MYO1B: variants seen among roughly 807,000 people sequenced by gnomAD.
MYO1B encodes the protein unconventional myosin-Ib.
In MYO1B, 72 loss-of-function variants were observed where a neutral mutation model predicts 159.7. The ratio of observed to expected loss-of-function variants is 0.45; its 90% CI spans 0.37 to 0.55. The LOEUF (loss-of-function observed/expected upper bound fraction) is 0.55, where lower values mean the gene tolerates loss of function less well. MYO1B is among the 20% of genes least tolerant of loss of function. MYO1B has a pLI of 0.00. For synonymous variants in MYO1B, 468 were observed against 473.8 expected, an observed-to-expected ratio of 0.99 and a Z score of 0.16; for missense variants, 1,062 against 1,364.8, an observed-to-expected ratio of 0.78 and a Z score of 3.50.
At chr2:191,383,515 T>TACACAC (rs71030338) in intron 15 of MYO1B, among the ~76,000 whole-genome samples, 173 bp downstream of exon 15, 23 of 122,722 alleles carry the variant, frequency 1.9e-4, no homozygotes, top group African/African-American at 7.8e-4. Flanking sequence ...TATATACACG[T>TACACAC]ACACACACAC....
At chr2:191,393,272 A>G in intron 20 of MYO1B, 50 bp downstream of exon 20, 1 of 1,594,982 alleles carries the variant, frequency 6.3e-7, no homozygotes, top group Non-Finnish European at 8.6e-7. Context: ...TAATTTGCCA[A>G]CATTTATTAT....
chr2:191,277,876 A>G (rs1687841078), intron 2 of MYO1B, among the ~76,000 whole-genome samples: 1 of 152,210 alleles, frequency 6.6e-6, no homozygotes, highest in African/African-American at 2.4e-5. Flanking sequence ...GCATCTGTGC[A>G]TGGAGAAGAA....
intron 27 of MYO1B, 61 bp from the exon 28 acceptor site, chr2:191,413,986 CT>C: frequency 5.2e-6 from 8 of 1,525,698 alleles, no homozygotes; most frequent in South Asian, 1.4e-5. Context: ...GACCTGTTTC[CT>C]TTTTTTAGTG....
At chr2:191,412,110 C>A (rs1697284078) in intron 27 of MYO1B, among the ~76,000 whole-genome samples, 1 of 152,166 alleles carries the variant, frequency 6.6e-6, no homozygotes, top group Non-Finnish European at 1.5e-5. Context: ...TGTACAACTT[C>A]ATTGGTTAGC....
chr2:191,397,485 G>C (rs550756064), intron 21 of MYO1B, among the ~76,000 whole-genome samples: 1 of 152,046 alleles, frequency 6.6e-6, no homozygotes, highest in East Asian at 1.9e-4. Context: ...CACAGCACAC[G>C]TTTCAGAGAG....
At chr2:191,420,987 A>G (rs1697899535) in intron 30 of MYO1B, among the ~76,000 whole-genome samples, 1 of 152,146 alleles carries the variant, frequency 6.6e-6, no homozygotes, top group South Asian at 2.1e-4. Context: ...AGCCTGATCT[A>G]ATAACATAGT....
intron 2 of MYO1B, among the ~76,000 whole-genome samples, chr2:191,281,852 A>G (rs1343673813): frequency 6.6e-6 from 1 of 152,164 alleles, no homozygotes; most frequent in East Asian, 1.9e-4. Flanking sequence ...GATCATCTAG[A>G]TATAGGGGCC....
chr2:191,402,678 A>G lies in MYO1B; in HGVS notation c.2516A>G (p.His839Arg). The change falls in exon 24 of 31, where the codon CAT becomes CGT. Residue 839 changes from histidine to arginine, a missense_variant. Physicochemically the swap from His to Arg is conservative, Grantham distance 29. Coordinates refer to ENST00000392318, the MANE Select transcript of MYO1B (RefSeq NM_001130158.3). ...TTGAAGGAGGAGGCTAGGCGTAAGC[A>G]TGCAGTTGCTGTCATTTGGGCTTAC... ...KRLKEEARRKHAVAVIWAYWL... is the reference protein window; with the variant it reads ...KRLKEEARRKRAVAVIWAYWL... 5.0e-6 allele frequency: 8 copies of G among 1,613,740 alleles called. No individual in the cohort carries two copies. The highest frequency in any genetic ancestry group is 6.8e-6 in the Non-Finnish European group (8 of 1,179,762).
At chr2:191,290,771 T>G (rs190279959) in intron 2 of MYO1B, among the ~76,000 whole-genome samples, 28 of 152,358 alleles carry the variant, frequency 1.8e-4, no homozygotes, top group Admixed American at 1.4e-3. Flanking sequence ...CTATTGAGAC[T>G]ATGCCAAGTT....
chr2:191,279,738 A>G (rs10199312), intron 2 of MYO1B, among the ~76,000 whole-genome samples: 3,425 of 152,026 alleles, frequency 0.023, 118 homozygotes, highest in African/African-American at 0.077. Context: ...CTGTTTTTCA[A>G]TTCTTTCCAA....
intron 3 of MYO1B, among the ~76,000 whole-genome samples, chr2:191,314,332 T>C (rs572385696): frequency 3.9e-5 from 6 of 152,356 alleles, no homozygotes; most frequent in African/African-American, 1.4e-4. Flanking sequence ...ACTTTTCTAA[T>C]AGTGTTATAG....
chr2:191,343,709 G>A (rs1270016437), intron 5 of MYO1B, among the ~76,000 whole-genome samples: 4 of 152,216 alleles, frequency 2.6e-5, no homozygotes, highest in East Asian at 3.8e-4. Flanking sequence ...GAGGAATGCT[G>A]TAGCCTGCAT....
chr2:191,280,100 G>A (rs1687969444), intron 2 of MYO1B, among the ~76,000 whole-genome samples: 2 of 152,058 alleles, frequency 1.3e-5, no homozygotes, highest in East Asian at 3.9e-4. Flanking sequence ...CTCTCGTGAG[G>A]GATTGCTTTG....
Position 191,424,062 on chromosome 2 carries a change from C to G in MYO1B, c.*102C>G. ...TTGTATGTTTGGGAATCACCAAAGG[C>G]TTTTAGAGTTCTTTGGCAAAATAAA... On this transcript the variant is annotated 3_prime_UTR_variant, in exon 31 of 31. Coordinates refer to ENST00000392318, the MANE Select transcript of MYO1B (RefSeq NM_001130158.3). 1 of 1,318,626 alleles carries G rather than the reference C, an allele frequency of 7.6e-7. No homozygotes were observed. The highest frequency in any genetic ancestry group is 2.3e-5 in the East Asian group (1 of 42,864). The allele number at this position is 1,318,626 out of a possible 1,614,324, so 81.7% of individuals were successfully genotyped here.
intron 3 of MYO1B, among the ~76,000 whole-genome samples, chr2:191,301,568 CTATGTATATAAGGT>C (rs1408668753): frequency 3.9e-5 from 6 of 152,108 alleles, no homozygotes; most frequent in Non-Finnish European, 7.3e-5. Context: ...TTCCTTCAGG[CTATGTATATAAGGT>C]GTATATTAAA....
At chr2:191,371,151 C>T (rs567130544) in intron 13 of MYO1B, 14 of 152,208 alleles carry the variant, frequency 9.2e-5, no homozygotes, top group Non-Finnish European at 2.1e-4. Context: ...GTTTGGTTCA[C>T]GGAAATAAGA....
chr2:191,336,703 C>G (rs1228230695), intron 4 of MYO1B, among the ~76,000 whole-genome samples: 4 of 152,124 alleles, frequency 2.6e-5, no homozygotes, highest in African/African-American at 9.7e-5. Context: ...ACAGTAGACT[C>G]CAGACTGCTA....
chr2:191,288,782 A>G lies in MYO1B; in HGVS notation c.136-7329A>G, dbSNP rs994817891. On this transcript the variant is annotated intron_variant, in intron 2 of 30. Coordinates refer to ENST00000392318, the MANE Select transcript of MYO1B (RefSeq NM_001130158.3). ...GTTATTCTTACCTGAATCCTGGCCCATCCTGGATTTGAACTATAGATTGGT... is the reference window on the plus strand; with the variant it reads ...GTTATTCTTACCTGAATCCTGGCCCGTCCTGGATTTGAACTATAGATTGGT... 2.6e-5 allele frequency among the ~76,000 whole-genome samples: 4 copies of G among 152,188 alleles called. No homozygotes were observed. In the South Asian group the frequency reaches 6.2e-4, roughly 24 times the overall value.
chr2:191,290,672 G>A (rs983051085), intron 2 of MYO1B, among the ~76,000 whole-genome samples: 3 of 152,134 alleles, frequency 2.0e-5, no homozygotes, highest in African/African-American at 7.2e-5. Context: ...TTATATATGA[G>A]TTGTAATCAA....
Sources: allele counts gnomAD v4.1 joint callset (sites outside exome capture counted in the v4.1 genomes callset), GRCh38; gene constraint gnomAD v4.1.1; transcripts MANE v1.5; gene names NCBI Gene and HGNC (gene_info 2026-07-23, HGNC 2026-07-21).